Variants in RIT2 observed in about 807,000 individuals in gnomAD.
RIT2 encodes the protein Ras like without CAAX 2, also known as GTP-binding protein Rit2.
A neutral mutation model predicts 23.7 loss-of-function variants in RIT2; 24 were observed. The observed-to-expected ratio is 1.01, with a 90% CI of 0.73 to 1.43. The LOEUF is 1.43. Among genes scored for constraint, RIT2 ranks in the 40% most tolerant of loss-of-function variants. RIT2 has a pLI of 0.00. For missense variants in RIT2, 236 were observed against 266.9 expected, an observed-to-expected ratio of 0.88 and a Z score of 0.81; for synonymous variants, 107 against 91.1, an observed-to-expected ratio of 1.17 and a Z score of -0.99.
intron 4 of RIT2, among the ~76,000 whole-genome samples, chr18:42,874,846 T>C (rs1907705110): frequency 6.6e-6 from 1 of 152,020 alleles, no homozygotes; most frequent in Admixed American, 6.6e-5. Context: ...GTGAATCCAT[T>C]TGAGGGATGG....
At chr18:42,934,934 G>T (rs919245635) in intron 3 of RIT2, among the ~76,000 whole-genome samples, 3 of 152,022 alleles carry the variant, frequency 2.0e-5, no homozygotes, top group African/African-American at 7.2e-5. Context: ...CAAAATGATG[G>T]TAACAGTAAC....
At chr18:43,033,028 C>T (rs565824792) in intron 2 of RIT2, among the ~76,000 whole-genome samples, 3 of 152,100 alleles carry the variant, frequency 2.0e-5, no homozygotes, top group Non-Finnish European at 4.4e-5. Flanking sequence ...AACCAGTCAG[C>T]CATGAGGCTA....
At position 43,107,248 on chromosome 18, in the gene RIT2, T is replaced by C. The variant is rs568743127; in HGVS notation, c.103+8169A>G. Among the ~76,000 whole-genome samples, 3 of 152,216 alleles carry C rather than the reference T, an allele frequency of 2.0e-5. No individual in the cohort carries two copies. In the South Asian group the frequency reaches 6.2e-4, roughly 32 times the overall value. ...GAACAGCTGAACAATGTATGGTAGGTCATTTTATCTTTCTAAGCCATAGTT... is the reference window on the plus strand; with the variant it reads ...GAACAGCTGAACAATGTATGGTAGGCCATTTTATCTTTCTAAGCCATAGTT... On this transcript the variant is annotated intron_variant, in intron 1 of 4. Coordinates refer to ENST00000326695, the MANE Select transcript of RIT2 (RefSeq NM_002930.4).
intron 2 of RIT2, among the ~76,000 whole-genome samples, chr18:43,017,854 C>T (rs1423799241): frequency 6.6e-6 from 1 of 151,994 alleles, no homozygotes; most frequent in Non-Finnish European, 1.5e-5. Context: ...AAACATCCAT[C>T]TGTGAGCTGG....
At chr18:42,924,201 A>G (rs548026850) in intron 3 of RIT2, among the ~76,000 whole-genome samples, 168 of 152,258 alleles carry the variant, frequency 1.1e-3, no homozygotes, top group South Asian at 2.9e-3. Flanking sequence ...GTTGGTTTGT[A>G]TAGGGGATTT....
intron 1 of RIT2, among the ~76,000 whole-genome samples, chr18:43,103,719 T>C (rs953132008): frequency 6.6e-6 from 1 of 152,138 alleles, no homozygotes; most frequent in Non-Finnish European, 1.5e-5. Flanking sequence ...AGTAAAATAG[T>C]TTGTCTAGAA....
chr18:42,856,825 C>CTTTTTT lies in RIT2; in HGVS notation c.426+66746_426+66747insAAAAAA, dbSNP rs760595125. On this transcript the variant is annotated intron_variant, in intron 4 of 4. Coordinates refer to ENST00000326695, the MANE Select transcript of RIT2 (RefSeq NM_002930.4). ...AGAAGTCTTTTTCTTTTCTCTCTCTCTCTTTTTTTTTTTTTTTTTTTTGAG... is the reference window on the plus strand; with the variant it reads ...AGAAGTCTTTTTCTTTTCTCTCTCTCTTTTTTTCTTTTTTTTTTTTTTTTTTTTGAG... Among the ~76,000 whole-genome samples, 1,069 of 127,628 alleles carry CTTTTTT rather than the reference C, an allele frequency of 8.4e-3. 36 individuals are homozygous for CTTTTTT. The highest frequency in any genetic ancestry group is 0.033 in the African/African-American group (1,007 of 30,488). 83.7% of individuals were successfully genotyped at this position (127,628 alleles called of 152,430 possible). A position where few individuals can be genotyped will look rare whatever the true frequency, so the allele number is the denominator to read the frequency against.
chr18:42,937,698 C>G (rs567587081), intron 3 of RIT2, among the ~76,000 whole-genome samples: 1 of 151,906 alleles, frequency 6.6e-6, no homozygotes, highest in Non-Finnish European at 1.5e-5. Context: ...TTTAGATTGA[C>G]GGGAAAAGAT....
intron 4 of RIT2, among the ~76,000 whole-genome samples, chr18:42,819,701 A>G (rs1906095286): frequency 6.6e-6 from 1 of 152,224 alleles, no homozygotes; most frequent in South Asian, 2.1e-4. Context: ...CAACTGTTCT[A>G]CCTGTATTCA....
intron 1 of RIT2, among the ~76,000 whole-genome samples, chr18:43,060,221 T>C (rs1912612599): frequency 6.6e-6 from 1 of 152,140 alleles, no homozygotes; most frequent in Admixed American, 6.6e-5. Flanking sequence ...TTATCCAATG[T>C]AGCCAAGCAA....
intron 4 of RIT2, among the ~76,000 whole-genome samples, chr18:42,780,543 G>C (rs1445521200): frequency 6.6e-6 from 1 of 152,106 alleles, no homozygotes; most frequent in Non-Finnish European, 1.5e-5. Context: ...CCCTGTAAGA[G>C]ACTTTTGCAG....
intron 3 of RIT2, among the ~76,000 whole-genome samples, chr18:42,944,657 T>A (rs1909685409): frequency 6.6e-6 from 1 of 152,164 alleles, no homozygotes; most frequent in Non-Finnish European, 1.5e-5. Context: ...AGAAATAATT[T>A]AAAAAATTCC....
At chr18:43,076,939 T>C (rs926897424) in intron 1 of RIT2, among the ~76,000 whole-genome samples, 1 of 150,836 alleles carries the variant, frequency 6.6e-6, no homozygotes, top group Non-Finnish European at 1.5e-5. Context: ...CCGTCTCTAC[T>C]AAAAATACAA....
At chr18:42,944,924 TG>T (rs1262904748) in intron 3 of RIT2, among the ~76,000 whole-genome samples, 1 of 152,100 alleles carries the variant, frequency 6.6e-6, no homozygotes, top group African/African-American at 2.4e-5. Context: ...TTGTCACTTC[TG>T]GAAAGTCTCT....
rs115693564 is a variant in RIT2 at position 43,074,478 on chromosome 18, C to T, written c.104-40611G>A. ...AAAATTCCGACTATGTTCAAAGTTC[C>T]CCAATGAGTCCTGAAATTTTATGGA... On this transcript the variant is annotated intron_variant, in intron 1 of 4. Coordinates refer to ENST00000326695, the MANE Select transcript of RIT2 (RefSeq NM_002930.4). 4.5e-3 allele frequency among the ~76,000 whole-genome samples: 683 copies of T among 152,242 alleles called. 6 individuals are homozygous for T. Among genetic ancestry groups the T allele is most frequent in the African/African-American group, 0.016 (651 of 41,544 alleles).
At chr18:42,820,949 T>C (rs769419901) in intron 4 of RIT2, among the ~76,000 whole-genome samples, 4 of 151,950 alleles carry the variant, frequency 2.6e-5, no homozygotes, top group Non-Finnish European at 4.4e-5. Context: ...CCCCATGGTA[T>C]TGAATTCACA....
chr18:42,997,601 T>C (rs1169684601), intron 2 of RIT2, among the ~76,000 whole-genome samples: 1 of 151,956 alleles, frequency 6.6e-6, no homozygotes, highest in Non-Finnish European at 1.5e-5. Context: ...GTATCCCATA[T>C]GTGTTGTCAC....
At chr18:43,017,239 TA>T (rs2144261376) in intron 2 of RIT2, among the ~76,000 whole-genome samples, 1 of 152,100 alleles carries the variant, frequency 6.6e-6, no homozygotes, top group South Asian at 2.1e-4. Flanking sequence ...TAGGTACGCT[TA>T]AAATAGCTTT....
At chr18:43,076,575 T>G (rs1439775492) in intron 1 of RIT2, among the ~76,000 whole-genome samples, 2 of 152,114 alleles carry the variant, frequency 1.3e-5, no homozygotes, top group Non-Finnish European at 2.9e-5. Flanking sequence ...TGGTAAGTGC[T>G]AAAGTAATAC....
Sources: gnomAD v4.1 joint callset for allele counts (sites outside exome capture counted in the v4.1 genomes callset) on GRCh38, gnomAD v4.1.1 for gene constraint, MANE v1.5 for transcripts, NCBI Gene and HGNC (gene_info 2026-07-23, HGNC 2026-07-21) for gene names.